Variants in PTPRT observed in about 807,000 individuals in gnomAD.
The protein encoded by PTPRT is protein tyrosine phosphatase receptor type T, also known as receptor-type tyrosine-protein phosphatase T.
In PTPRT, 56 loss-of-function variants were observed where a neutral mutation model predicts 176.8. That is an observed-to-expected ratio of 0.32 (90% CI 0.26 to 0.40). PTPRT has a LOEUF of 0.40. Ranked by LOEUF, PTPRT falls within the 10% of genes least tolerant of loss-of-function variation. The pLI is 1.00. For missense variants in PTPRT, 1,540 were observed against 1,908.2 expected, an observed-to-expected ratio of 0.81 and a Z score of 3.60; for synonymous variants, 783 against 739.0, an observed-to-expected ratio of 1.06 and a Z score of -0.96.
intron 7 of PTPRT, among the ~76,000 whole-genome samples, chr20:42,605,964 G>C (rs1347457704): frequency 1.3e-5 from 2 of 152,228 alleles, no homozygotes; most frequent in Non-Finnish European, 2.9e-5. Flanking sequence ...CATGGTCTCA[G>C]AGCCTTGCTG....
Position 42,756,472 on chromosome 20 carries a change from C to T in PTPRT, c.849G>A (p.Leu283=). 1 of 1,559,450 alleles carries T rather than the reference C, an allele frequency of 6.4e-7. No homozygotes were observed. Among genetic ancestry groups the T allele is most frequent in the Non-Finnish European group, 8.7e-7 (1 of 1,148,054 alleles). The change falls in exon 6 of 31, where the codon CTG becomes CTA. Residue 283 remains leucine (L), a synonymous_variant. Transcript: ENST00000373187. ...GCTGGAGGCACTCACCTTTCACGAT[C>T]AGCTCCGCGTAGTTGGACACACCAG... ...GGSGVSNYAE[L]IVKEPPTPIA...
chr20:42,592,211 G>A (rs568254852), intron 7 of PTPRT, among the ~76,000 whole-genome samples: 27 of 151,186 alleles, frequency 1.8e-4, no homozygotes, highest in African/African-American at 3.9e-4. Flanking sequence ...TCCTGACCTC[G>A]TGATCCTCCC....
intron 8 of PTPRT, among the ~76,000 whole-genome samples, chr20:42,463,124 T>C (rs939793689): frequency 6.6e-6 from 1 of 152,156 alleles, no homozygotes; most frequent in African/African-American, 2.4e-5. Context: ...TACCATTCCA[T>C]AGTCAAGATG....
Position 43,024,340 on chromosome 20 carries a change from T to TA in PTPRT, c.89-138409dup, listed in dbSNP as rs200001949. Among the ~76,000 whole-genome samples the TA allele has an allele frequency of 3.9e-4, 58 of 148,962 alleles. No individual in the cohort carries two copies. In the East Asian group the frequency reaches 4.7e-3, roughly 12 times the overall value. On this transcript the variant is annotated intron_variant, in intron 1 of 30. Transcript: ENST00000373187. ...GTGTTACTACTAATGCAAGAGGGGG[T>TA]AAAAAAAAATGGCTCCAAGGCTGGT...
intron 13 of PTPRT, among the ~76,000 whole-genome samples, chr20:42,272,667 T>C (rs1477014096): frequency 6.6e-6 from 1 of 152,102 alleles, no homozygotes; most frequent in Non-Finnish European, 1.5e-5. Flanking sequence ...GGGGCTCCAC[T>C]ATCTAAGGAC....
intron 1 of PTPRT, among the ~76,000 whole-genome samples, chr20:43,018,137 A>G (rs1247290605): frequency 6.6e-6 from 1 of 152,218 alleles, no homozygotes; most frequent in Non-Finnish European, 1.5e-5. Flanking sequence ...ATTCAAACTT[A>G]GAACATCTAA....
At position 43,189,716 on chromosome 20, in the gene PTPRT, C is replaced by A. The variant is rs1296517201; in HGVS notation, c.18G>T (p.Ala6=). 1.6e-6 allele frequency: 2 copies of A among 1,263,040 alleles called. No homozygotes were observed. The highest frequency in any genetic ancestry group is 3.3e-5 in the East Asian group (1 of 30,142). The allele number at this position is 1,263,040 out of a possible 1,614,324, so 78.2% of individuals were successfully genotyped here. MASLA[A]LALSLLLRLQ... ...GCCTCAGGAGCAGGCTGAGGGCGAG[C>A]GCGGCGAGGCTCGCCATCCGGGCGG... Residue 6 remains alanine (A), a synonymous_variant, in exon 1 of 31, where the codon GCG becomes GCT. Coordinates refer to ENST00000373187, the MANE Select transcript of PTPRT (RefSeq NM_007050.6). The surrounding 1 kb of genome is among the most constrained non-coding windows in gnomAD (Gnocchi z 5.0).
At chr20:42,753,503 T>A (rs186828428) in intron 6 of PTPRT, among the ~76,000 whole-genome samples, 1 of 152,216 alleles carries the variant, frequency 6.6e-6, no homozygotes, top group Admixed American at 6.5e-5. Flanking sequence ...TACACCTTGA[T>A]TGACCAGATT....
chr20:42,153,630 C>A (rs1034387624), intron 17 of PTPRT, among the ~76,000 whole-genome samples: 1 of 152,194 alleles, frequency 6.6e-6, no homozygotes, highest in Non-Finnish European at 1.5e-5. Flanking sequence ...GAATCTCACA[C>A]GAGGGTACCT....
At chr20:42,931,097 G>A (rs1328708664) in intron 1 of PTPRT, among the ~76,000 whole-genome samples, 1 of 152,016 alleles carries the variant, frequency 6.6e-6, no homozygotes, top group African/African-American at 2.4e-5. Flanking sequence ...GAACAGGAGT[G>A]GGGGTAAGGA....
chr20:42,324,391 A>C (rs908846067), intron 11 of PTPRT, among the ~76,000 whole-genome samples: 1 of 152,186 alleles, frequency 6.6e-6, no homozygotes, highest in Non-Finnish European at 1.5e-5. Context: ...TCAATTGTAC[A>C]TGGGCATAGG....
intron 23 of PTPRT, among the ~76,000 whole-genome samples, chr20:42,109,150 G>GATAAATAA (rs145434745): frequency 6.6e-6 from 1 of 152,066 alleles, no homozygotes; most frequent in Non-Finnish European, 1.5e-5. Flanking sequence ...TTGCTGGGAA[G>GATAAATAA]ATAAATAAAT....
chr20:42,549,374 A>C (rs2072729470), intron 7 of PTPRT, among the ~76,000 whole-genome samples: 2 of 152,178 alleles, frequency 1.3e-5, no homozygotes, highest in Admixed American at 1.3e-4. Flanking sequence ...CAGATTAACA[A>C]AGTAAATTTT....
the PTPRT span, among the ~76,000 whole-genome samples, chr20:42,044,690 T>G: frequency 9.8e-5 from 15 of 152,364 alleles, no homozygotes; most frequent in Middle Eastern, 6.8e-3. Flanking sequence ...AAGAACTCAC[T>G]TAATCCTCAG....
chr20:42,962,105 A>C, intron 1 of PTPRT, among the ~76,000 whole-genome samples: 1 of 152,212 alleles, frequency 6.6e-6, no homozygotes, highest in Non-Finnish European at 1.5e-5. Context: ...AAGCCACTAA[A>C]TTTGTGTTAA....
chr20:42,530,748 G>A (rs1323323495), intron 7 of PTPRT, among the ~76,000 whole-genome samples: 1 of 152,232 alleles, frequency 6.6e-6, no homozygotes, highest in African/African-American at 2.4e-5. Context: ...AAAGGGAATA[G>A]AGCGGGGAGA....
At chr20:43,051,865 A>C (rs1987059140) in intron 1 of PTPRT, among the ~76,000 whole-genome samples, 1 of 152,132 alleles carries the variant, frequency 6.6e-6, no homozygotes, top group Non-Finnish European at 1.5e-5. Flanking sequence ...TTTTTCACCA[A>C]ATTGAAACTA....
intron 13 of PTPRT, 134 bp from the exon 14 acceptor site, chr20:42,248,956 C>T (rs1256401047): frequency 2.0e-6 from 2 of 1,006,084 alleles, no homozygotes; most frequent in Admixed American, 2.7e-5. Context: ...GCATCACATA[C>T]ATTGTCCCAT....
intron 7 of PTPRT, among the ~76,000 whole-genome samples, chr20:42,621,190 G>A (rs1193248780): frequency 1.3e-5 from 2 of 152,056 alleles, no homozygotes; most frequent in Non-Finnish European, 2.9e-5. Flanking sequence ...CTAAAGCAAG[G>A]TGCATCCTTC....
Sources: gnomAD v4.1 joint callset for allele counts (sites outside exome capture counted in the v4.1 genomes callset) on GRCh38, gnomAD v4.1.1 for gene constraint, Gnocchi (gnomAD v3.1) non-coding constraint, MANE v1.5 for transcripts, NCBI Gene and HGNC (gene_info 2026-07-23, HGNC 2026-07-21) for gene names.